Variants in CDC27 observed in about 807,000 individuals in gnomAD.
The protein encoded by CDC27 is cell division cycle 27, also known as cell division cycle protein 27 homolog.
Under a neutral mutation model 109.7 loss-of-function variants are expected in CDC27, and 27 were observed. That is an observed-to-expected ratio of 0.25 (90% CI 0.18 to 0.34). The LOEUF (loss-of-function observed/expected upper bound fraction) is 0.34. CDC27 is among the 10% of genes least tolerant of loss of function. The pLI is 1.00. For missense variants in CDC27, 579 were observed against 960.2 expected, an observed-to-expected ratio of 0.60 and a Z score of 5.25; for synonymous variants, 266 against 333.9, an observed-to-expected ratio of 0.80 and a Z score of 2.22.
intron 9 of CDC27, among the ~76,000 whole-genome samples, chr17:47,145,483 C>A (rs2062928822): frequency 1.3e-5 from 2 of 152,224 alleles, no homozygotes; most frequent in Middle Eastern, 3.4e-3. Flanking sequence ...CTACTAAGTC[C>A]TTGGAATTCC....
At chr17:47,171,361 T>C (rs2063807018) in intron 3 of CDC27, among the ~76,000 whole-genome samples, 1 of 152,218 alleles carries the variant, frequency 6.6e-6, no homozygotes, top group Non-Finnish European at 1.5e-5. Flanking sequence ...TTTACAAATA[T>C]CTAACACCGT....
At position 47,154,741 on chromosome 17, in the gene CDC27, G is replaced by A. The variant is rs369068321; in HGVS notation, c.888C>T (p.Ser296=). 47 of 1,609,666 alleles carry A rather than the reference G, an allele frequency of 2.9e-5. No homozygotes were observed. The Admixed American group carries it at 7.8e-4, about 27-fold the overall frequency. The change falls in exon 8 of 19, where the codon TCC becomes TCT. Residue 296 remains serine, a synonymous_variant. Coordinates refer to ENST00000066544, the MANE Select transcript of CDC27 (RefSeq NM_001256.6). ...PLETPSPGDG[S]YLQNYTNTPP... ...GTGTATTAGTGTAGTTTTGTAAATA[G>A]GATCCATCTCCAGGACTTGGGGTTT...
Position 47,178,378 on chromosome 17 carries a change from T to C in CDC27, c.103+3184A>G, listed in dbSNP as rs534782594. 2.0e-5 allele frequency among the ~76,000 whole-genome samples: 3 copies of C among 150,872 alleles called. No homozygotes were observed. In the South Asian group the frequency reaches 6.3e-4, roughly 32 times the overall value. ...TTGTGAGATCTCGTGTTCTCAAAAATACAAAAATTAGCTGGGCATGGTAGC... is the reference window on the plus strand; with the variant it reads ...TTGTGAGATCTCGTGTTCTCAAAAACACAAAAATTAGCTGGGCATGGTAGC... On this transcript the variant is annotated intron_variant, in intron 2 of 18. Transcript: ENST00000066544.
At chr17:47,176,209 G>A (rs1302956673) in intron 2 of CDC27, among the ~76,000 whole-genome samples, 1 of 151,922 alleles carries the variant, frequency 6.6e-6, no homozygotes, top group Non-Finnish European at 1.5e-5. Flanking sequence ...TGAGCCACAT[G>A]CTCAAGTAAT....
chr17:47,182,700 A>T (rs1457713514), intron 1 of CDC27, among the ~76,000 whole-genome samples: 1 of 152,188 alleles, frequency 6.6e-6, no homozygotes, highest in African/African-American at 2.4e-5. Flanking sequence ...TTGCTGAATA[A>T]ATAATATTTC....
At position 47,120,952 on chromosome 17, in the gene CDC27, C is replaced by G; in HGVS notation, c.2458G>C (p.Glu820Gln). The stretch of plus-strand genomic sequence containing the variant: ...TCCAGAAGTTAAAATTCATCACTTT[C>G]AGCTGCATGAAGTTGTGTGTCATCC... Reference protein sequence around the residue: ...DADDTQLHAAESDEF With the variant: ...DADDTQLHAAQSDEF Residue 820 changes from glutamate to glutamine, a missense_variant, in exon 19 of 19, where the codon GAA becomes CAA. Around this residue, in one of 9 missense-constraint regions of CDC27, gnomAD observed 227 missense variants for 363.6 expected, o/e 0.62. Transcript: ENST00000066544. 6 of 1,612,324 alleles carry G rather than the reference C, an allele frequency of 3.7e-6. No homozygotes were observed. In the Middle Eastern group the frequency reaches 9.9e-4, roughly 266 times the overall value.
chr17:47,157,875 T>C (rs1359379541), intron 5 of CDC27, among the ~76,000 whole-genome samples: 2 of 152,216 alleles, frequency 1.3e-5, no homozygotes. Context: ...AGGCATTTAT[T>C]AATTGCATTA....
chr17:47,155,048 G>C (rs2063260868), intron 7 of CDC27, among the ~76,000 whole-genome samples: 1 of 152,058 alleles, frequency 6.6e-6, no homozygotes, highest in Non-Finnish European at 1.5e-5. Context: ...ATAAAGAAGA[G>C]TAGCTTTATA....
At chr17:47,135,773 A>G (rs891667829) in intron 14 of CDC27, among the ~76,000 whole-genome samples, 1 of 149,670 alleles carries the variant, frequency 6.7e-6, no homozygotes, top group Non-Finnish European at 1.5e-5. Context: ...AACAGACAAT[A>G]CACATTTAAA....
In CDC27 at chr17:47,138,198, C is replaced by T. The variant is rs191491981; in HGVS notation, c.1704+541G>A. 1.3e-3 allele frequency among the ~76,000 whole-genome samples: 191 copies of T among 152,248 alleles called. 1 individual carries two copies. Among genetic ancestry groups the T allele is most frequent in the African/African-American group, 4.5e-3 (187 of 41,552 alleles). The stretch of plus-strand genomic sequence containing the variant: ...CAATCTATCTCTGTTTCAAACTCTC[C>T]ATCACTCCCAGGAACATTGGTTCAG... On this transcript the variant is annotated intron_variant, in intron 13 of 18. Coordinates refer to ENST00000066544, the MANE Select transcript of CDC27 (RefSeq NM_001256.6).
At chr17:47,162,754 G>GA (rs1419737767) in intron 4 of CDC27, among the ~76,000 whole-genome samples, 3 of 152,008 alleles carry the variant, frequency 2.0e-5, no homozygotes, top group Admixed American at 1.3e-4. Context: ...ATTAGGAAAA[G>GA]AAAAAATCAA....
In CDC27 at chr17:47,143,948, A is replaced by G; in HGVS notation, c.1105T>C (p.Ser369Pro). ...CTTCGAGGCAGTGCGTTTGGGGGAG[A>G]TGTAATAGTGGGGCTCAATACCTGA... ...TPQVLSPTIT[S>P]PPNALPRRSS... Residue 369 changes from serine (S) to proline (P), a missense_variant, in exon 10 of 19, where the codon TCT becomes CCT. Transcript: ENST00000066544. The G allele has an allele frequency of 1.3e-6, 2 of 1,482,974 alleles. No individual in the cohort carries two copies. The highest frequency in any genetic ancestry group is 2.6e-5 in the East Asian group (1 of 39,052). 91.9% of individuals were successfully genotyped at this position (1,482,974 alleles called of 1,614,324 possible).
At chr17:47,178,890 C>A (rs2064119371) in intron 2 of CDC27, among the ~76,000 whole-genome samples, 1 of 151,998 alleles carries the variant, frequency 6.6e-6, no homozygotes, top group Non-Finnish European at 1.5e-5. Flanking sequence ...GCAACCTCCG[C>A]CTCCCGGGTT....
intron 1 of CDC27, chr17:47,188,812 T>C: frequency 3.3e-6 from 4 of 1,226,740 alleles, no homozygotes; most frequent in Non-Finnish European, 4.1e-6. Context: ...AAGAGAGCGC[T>C]TGGGGTGCAT....
intron 1 of CDC27, among the ~76,000 whole-genome samples, chr17:47,186,722 G>A (rs2064451991): frequency 6.6e-6 from 1 of 151,912 alleles, no homozygotes; most frequent in African/African-American, 2.4e-5. Flanking sequence ...AGGCATATAT[G>A]GTATATCGGA....
intron 17 of CDC27, among the ~76,000 whole-genome samples, chr17:47,123,656 C>T (rs1400881244): frequency 6.6e-6 from 1 of 151,956 alleles, no homozygotes; most frequent in Non-Finnish European, 1.5e-5. Context: ...ACGTAATCTA[C>T]CTGCCTAGGC....
intron 16 of CDC27, among the ~76,000 whole-genome samples, chr17:47,129,190 A>G (rs1189113097): frequency 1.3e-5 from 2 of 152,210 alleles, no homozygotes; most frequent in African/African-American, 2.4e-5. Flanking sequence ...TACAAGGGAT[A>G]ACTATATATT....
Position 47,141,985 on chromosome 17 carries a change from A to G in CDC27, c.1419T>C (p.Tyr473=), listed in dbSNP as rs1445230122. Residue 473 remains tyrosine (Y), a synonymous_variant, in exon 12 of 19, where the codon TAT becomes TAC. Coordinates refer to ENST00000066544, the MANE Select transcript of CDC27 (RefSeq NM_001256.6). The part of the protein sequence containing the change: ...MSLLREMGKG[Y]LALCSYNCKE... ...TGCAGTTGTATGAACACAAAGCTAA[A>G]TAACCTTTCCCCATTTCACGAAGAA... 1 of 1,604,162 alleles carries G rather than the reference A, an allele frequency of 6.2e-7. No homozygotes were observed. The highest frequency in any genetic ancestry group is 8.5e-7 in the Non-Finnish European group (1 of 1,175,958).
chr17:47,142,189 T>C, intron 11 of CDC27, 40 bp downstream of exon 11: 1 of 1,276,760 alleles, frequency 7.8e-7, no homozygotes, highest in Non-Finnish European at 1.1e-6. Context: ...AATAAGTACA[T>C]AATAAAATAC....
Sources: allele counts gnomAD v4.1 joint callset (sites outside exome capture counted in the v4.1 genomes callset), GRCh38; gene constraint gnomAD v4.1.1; regional missense constraint gnomAD v4.1.1; transcripts MANE v1.5; gene names NCBI Gene and HGNC (gene_info 2026-07-23, HGNC 2026-07-21).